Variants in PRICKLE1 observed in about 807,000 individuals in gnomAD.
PRICKLE1 encodes the protein prickle-like protein 1.
PRICKLE1 carries 14 observed loss-of-function variants against 70.2 expected under a neutral mutation model. The ratio of observed to expected loss-of-function variants is 0.20; its 90% CI spans 0.13 to 0.31. The LOEUF is 0.31. Among genes scored for constraint, PRICKLE1 ranks in the 10% least tolerant of loss-of-function variants. PRICKLE1 has a pLI of 1.00. For synonymous variants in PRICKLE1, 357 were observed against 379.9 expected (o/e 0.94, Z 0.70); for missense variants, 821 against 1,026.2 (o/e 0.80, Z 2.73).
chr12:42,462,409 C>G (rs1194207608), intron 7 of PRICKLE1, among the ~76,000 whole-genome samples: 1 of 152,028 alleles, frequency 6.6e-6, no homozygotes, highest in East Asian at 1.9e-4. Flanking sequence ...CTATGTTGGC[C>G]AGGCTGGTCT....
Position 42,465,103 on chromosome 12 carries a change from C to A in PRICKLE1, c.931G>T (p.Asp311Tyr). Residue 311 changes from aspartate (D) to tyrosine (Y), a missense_variant, in exon 7 of 8, where the codon GAC (aspartate) becomes TAC (tyrosine). By Grantham distance (160) the Asp-to-Tyr change is radical. Transcript: ENST00000345127. ...YCSKTCSLGE[D>Y]VHASDSSDSA... Reference sequence around the variant, plus strand: ...TCGGAAGAATCAGAGGCATGGACGTCTTCACCAAGACTGCACGTTTTTGAG... The same window carrying A: ...TCGGAAGAATCAGAGGCATGGACGTATTCACCAAGACTGCACGTTTTTGAG... The A allele has an allele frequency of 1.9e-6, 3 of 1,565,270 alleles. No individual in the cohort carries two copies. Among genetic ancestry groups the A allele is most frequent in the Non-Finnish European group, 2.6e-6 (3 of 1,159,986 alleles).
intron 1 of PRICKLE1, among the ~76,000 whole-genome samples, chr12:42,486,474 C>G (rs558513506): frequency 6.6e-6 from 1 of 152,294 alleles, no homozygotes; most frequent in African/African-American, 2.4e-5. Context: ...TGTTTCTAAT[C>G]TAAAGTCAAG....
rs200558941 is a variant in PRICKLE1 at position 42,468,814 on chromosome 12, T to G, written c.400A>C (p.Asn134His). The change falls in exon 5 of 8, where the codon AAT becomes CAT. Residue 134 changes from asparagine to histidine, a missense_variant. Coordinates refer to ENST00000345127, the MANE Select transcript of PRICKLE1 (RefSeq NM_153026.3). ...AVCEQCGLKI[N>H]GGEVAVFASR... ...GCGAACACTGCAACTTCACCTCCAT[T>G]TATCTTCAAACCACACTACAAACAA... is the stretch of plus-strand genomic sequence containing the variant. The G allele has an allele frequency of 1.9e-6, 3 of 1,614,142 alleles. No homozygotes were observed. In the African/African-American group the frequency reaches 4.0e-5, roughly 22 times the overall value.
chr12:42,470,780 C>T (rs1938289802), intron 2 of PRICKLE1, among the ~76,000 whole-genome samples: 1 of 152,026 alleles, frequency 6.6e-6, no homozygotes, highest in Non-Finnish European at 1.5e-5. Flanking sequence ...GTGATGCACG[C>T]CTGTAATCCT....
chr12:42,468,927 G>T lies in PRICKLE1; in HGVS notation c.385-98C>A, dbSNP rs143176736. On this transcript the variant is annotated intron_variant, in intron 4 of 7. Transcript: ENST00000345127. ...GATAAATCTCGAATTTGTCAGGAAT[G>T]TATTTATTTTTGCTACCTCTTTTAG... 3,942 of 1,271,460 alleles carry T rather than the reference G, an allele frequency of 3.1e-3. 13 individuals are homozygous for T. Among genetic ancestry groups the T allele is most frequent in the Non-Finnish European group, 4.0e-3 (3,594 of 895,014 alleles). 78.8% of individuals were successfully genotyped at this position (1,271,460 alleles called of 1,614,324 possible). A position where few individuals can be genotyped will look rare whatever the true frequency, so the allele number is the denominator to read the frequency against.
chr12:42,555,292 GA>G (rs1306254067), intron 1 of PRICKLE1, among the ~76,000 whole-genome samples: 1 of 152,068 alleles, frequency 6.6e-6, no homozygotes, highest in Non-Finnish European at 1.5e-5. Context: ...TGACAAGAGC[GA>G]AACTCCATCT....
chr12:42,503,982 G>A (rs959795630), intron 1 of PRICKLE1, among the ~76,000 whole-genome samples: 12 of 151,936 alleles, frequency 7.9e-5, no homozygotes, highest in Non-Finnish European at 1.5e-4. Flanking sequence ...TTAAATTCTA[G>A]GTCTGTGGCA....
At chr12:42,520,827 T>G (rs558400659) in intron 1 of PRICKLE1, among the ~76,000 whole-genome samples, 116 of 152,346 alleles carry the variant, frequency 7.6e-4, no homozygotes, top group African/African-American at 2.7e-3. Context: ...AGATATGTCA[T>G]GATGTGAGAG....
chr12:42,526,043 T>A (rs1344715587), intron 1 of PRICKLE1, among the ~76,000 whole-genome samples: 1 of 152,204 alleles, frequency 6.6e-6, no homozygotes. Flanking sequence ...TTTGGAAACA[T>A]GGAGCAGAGT....
intron 2 of PRICKLE1, among the ~76,000 whole-genome samples, chr12:42,470,781 CT>C (rs1938290055): frequency 1.3e-5 from 2 of 152,110 alleles, no homozygotes; most frequent in African/African-American, 4.8e-5. Flanking sequence ...TGATGCACGC[CT>C]GTAATCCTAG....
intron 1 of PRICKLE1, among the ~76,000 whole-genome samples, chr12:42,526,066 C>A (rs1225758325): frequency 2.6e-5 from 4 of 152,102 alleles, no homozygotes; most frequent in Admixed American, 6.5e-5. Context: ...TCTAGGATTA[C>A]AAAATGCTAA....
chr12:42,500,839 G>A (rs1939294076), intron 1 of PRICKLE1, among the ~76,000 whole-genome samples: 1 of 152,142 alleles, frequency 6.6e-6, no homozygotes, highest in South Asian at 2.1e-4. Flanking sequence ...ACATGGGCTT[G>A]TAAAGACAAT....
Position 42,586,018 on chromosome 12 carries a change from C to A in PRICKLE1, c.-49+3447G>T, listed in dbSNP as rs145570998. 2.0e-3 allele frequency among the ~76,000 whole-genome samples: 302 copies of A among 152,216 alleles called. 1 individual carries two copies. Among genetic ancestry groups the A allele is most frequent in the African/African-American group, 6.8e-3 (283 of 41,528 alleles). ...ACTTGGTGCCCAGATTACTGTACTT[C>A]CCTCTCTCAACTTGCTTGCTCACAC... On this transcript the variant is annotated intron_variant, in intron 1 of 7. Coordinates refer to ENST00000345127, the MANE Select transcript of PRICKLE1 (RefSeq NM_153026.3).
chr12:42,530,680 A>ATTTTTTTTTTTTTTT (rs34675637), intron 1 of PRICKLE1, among the ~76,000 whole-genome samples: 1 of 97,100 alleles, frequency 1.0e-5, no homozygotes, highest in Non-Finnish European at 1.9e-5. Context: ...TTATCAAATA[A>ATTTTTTTTTTTTTTT]TTTTTTTTTT....
In PRICKLE1 at chr12:42,470,015, G is replaced by A. The variant is rs565370593; in HGVS notation, c.246+231C>T. The stretch of plus-strand genomic sequence containing the variant: ...AATTTGTAGGTTCCTGATCATTGGT[G>A]GGTGGCTGCAAACACTATAAAAACC... On this transcript the variant is annotated intron_variant, in intron 3 of 7. Transcript: ENST00000345127. 11 of 530,458 alleles carry A rather than the reference G, an allele frequency of 2.1e-5. No homozygotes were observed. The South Asian group carries it at 2.3e-4, about 11-fold the overall frequency. The allele number at this position is 530,458 out of a possible 1,614,324, so 32.9% of individuals were successfully genotyped here.
intron 1 of PRICKLE1, among the ~76,000 whole-genome samples, chr12:42,545,959 A>C (rs1940203649): frequency 6.6e-6 from 1 of 151,842 alleles, no homozygotes; most frequent in Non-Finnish European, 1.5e-5. Context: ...TAGTAAAAAA[A>C]AATCTATAGT....
intron 1 of PRICKLE1, among the ~76,000 whole-genome samples, chr12:42,562,467 T>C (rs1940532670): frequency 6.6e-6 from 1 of 152,148 alleles, no homozygotes; most frequent in Admixed American, 6.5e-5. Context: ...AAGTTGCAGA[T>C]GTATTGAAAG....
chr12:42,460,942 C>T (rs1270564971), intron 7 of PRICKLE1, among the ~76,000 whole-genome samples: 1 of 152,052 alleles, frequency 6.6e-6, no homozygotes, highest in African/African-American at 2.4e-5. Flanking sequence ...AGTGCAATGG[C>T]GCTATCTCGG....
intron 1 of PRICKLE1, among the ~76,000 whole-genome samples, chr12:42,560,866 C>T (rs11181557): frequency 6.6e-6 from 1 of 151,780 alleles, no homozygotes; most frequent in Non-Finnish European, 1.5e-5. Context: ...TGTAATCATG[C>T]TGTTAACTTT....
Sources: allele counts gnomAD v4.1 joint callset (sites outside exome capture counted in the v4.1 genomes callset), GRCh38; gene constraint gnomAD v4.1.1; transcripts MANE v1.5; gene names NCBI Gene and HGNC (gene_info 2026-07-23, HGNC 2026-07-21).